PCDH7: variants seen among roughly 807,000 people sequenced by gnomAD.
PCDH7 encodes the protein protocadherin 7.
PCDH7 carries 17 observed loss-of-function variants against 58.9 expected under a neutral mutation model. The ratio of observed to expected loss-of-function variants is 0.29; its 90% CI spans 0.20 to 0.43. The LOEUF (loss-of-function observed/expected upper bound fraction) is 0.43. Among genes scored for constraint, PCDH7 ranks in the 20% least tolerant of loss-of-function variants. The pLI, the probability that PCDH7 is intolerant of heterozygous loss-of-function variation, is 1.00. For missense variants in PCDH7, 1,274 were observed against 1,441.0 expected, an observed-to-expected ratio of 0.88 and a Z score of 1.88; for synonymous variants, 664 against 616.4, an observed-to-expected ratio of 1.08 and a Z score of -1.14.
intron 2 of PCDH7, among the ~76,000 whole-genome samples, chr4:30,928,881 C>A (rs1260534052): frequency 1.3e-5 from 2 of 152,060 alleles, no homozygotes; most frequent in African/African-American, 2.4e-5. Flanking sequence ...GTTACTGTTA[C>A]CTTTTTATGT....
intron 1 of PCDH7, among the ~76,000 whole-genome samples, chr4:30,745,295 A>T (rs1001037875): frequency 6.6e-6 from 1 of 151,224 alleles, no homozygotes; most frequent in African/African-American, 2.4e-5. Flanking sequence ...TAGCCCTGGG[A>T]TATCTGGAGA....
intron 1 of PCDH7, among the ~76,000 whole-genome samples, chr4:30,890,659 G>A (rs1028807931): frequency 2.0e-5 from 3 of 151,920 alleles, no homozygotes; most frequent in Non-Finnish European, 4.4e-5. Flanking sequence ...TAGTTTTCAG[G>A]GTTAGAGGGA....
At chr4:30,965,923 G>C (rs1419315465) in intron 3 of PCDH7, among the ~76,000 whole-genome samples, 1 of 152,046 alleles carries the variant, frequency 6.6e-6, no homozygotes, top group Non-Finnish European at 1.5e-5. Context: ...GGACAGGATG[G>C]CCATTTTCAT....
intron 1 of PCDH7, among the ~76,000 whole-genome samples, chr4:30,834,411 G>A (rs1034005075): frequency 1.8e-4 from 27 of 152,100 alleles, no homozygotes; most frequent in African/African-American, 6.5e-4. Flanking sequence ...AGGAAATTGA[G>A]GCATAGAAGG....
At position 30,875,859 on chromosome 4, in the gene PCDH7, C is replaced by T. The variant is rs183621754; in HGVS notation, c.71-44294C>T. Among the ~76,000 whole-genome samples, 111 of 152,144 alleles carry T rather than the reference C, an allele frequency of 7.3e-4. 2 individuals carry two copies. The highest frequency in any genetic ancestry group is 6.8e-3 in the Middle Eastern group (2 of 292). On this transcript the variant is annotated intron_variant, in intron 1 of 3. Transcript: ENST00000509759. Reference sequence around the variant, plus strand: ...TTATTAAGAAGTCCTGATGTTGGCTCGACATTAGGCTATTAATTTCAACAG... The same window carrying T: ...TTATTAAGAAGTCCTGATGTTGGCTTGACATTAGGCTATTAATTTCAACAG...
chr4:30,820,106 A>T (rs990685369), intron 1 of PCDH7, among the ~76,000 whole-genome samples: 2 of 152,142 alleles, frequency 1.3e-5, no homozygotes, highest in African/African-American at 4.8e-5. Flanking sequence ...AATGATAGGA[A>T]AATTCCTTTG....
chr4:31,012,832 G>A (rs1340127193), intron 3 of PCDH7, among the ~76,000 whole-genome samples: 1 of 149,882 alleles, frequency 6.7e-6, no homozygotes, highest in Non-Finnish European at 1.5e-5. Flanking sequence ...AGCGAGAGAT[G>A]GTCTCCACAA....
intron 1 of PCDH7, among the ~76,000 whole-genome samples, chr4:30,832,405 G>A (rs1577976229): frequency 1.3e-5 from 2 of 152,096 alleles, no homozygotes; most frequent in East Asian, 3.8e-4. Context: ...TATCTTGTAA[G>A]CATCGACAGA....
At chr4:30,904,772 T>C (rs1740700699) in intron 1 of PCDH7, among the ~76,000 whole-genome samples, 1 of 151,994 alleles carries the variant, frequency 6.6e-6, no homozygotes, top group Non-Finnish European at 1.5e-5. Flanking sequence ...AACAAATGAG[T>C]GATGGGAGTG....
chr4:30,765,802 A>G (rs969780928), intron 1 of PCDH7, among the ~76,000 whole-genome samples: 8 of 152,182 alleles, frequency 5.3e-5, no homozygotes, highest in Non-Finnish European at 1.0e-4. Context: ...AGAAGGCACC[A>G]AAGGATTTGA....
At chr4:30,875,402 A>C (rs1276651887) in intron 1 of PCDH7, among the ~76,000 whole-genome samples, 4 of 152,182 alleles carry the variant, frequency 2.6e-5, no homozygotes, top group Non-Finnish European at 5.9e-5. Flanking sequence ...GTAGGGGTTA[A>C]GACTTTCACG....
rs147432861 is a variant in PCDH7 at position 31,139,987 on chromosome 4, G to A, written c.*8-2486G>A. On this transcript the variant is annotated intron_variant, in intron 3 of 3. Transcript: ENST00000509759. ...TGGCACAGAAGACAAGCTGCCTTTC[G>A]TTAAAAGCAATAGAGGAAATCAATT... Among the ~76,000 whole-genome samples, 26 of 152,260 alleles carry A rather than the reference G, an allele frequency of 1.7e-4. 1 individual carries two copies. In the East Asian group the frequency reaches 3.9e-3, roughly 23 times the overall value.
chr4:30,918,974 A>G (rs79348355), intron 1 of PCDH7, among the ~76,000 whole-genome samples: 67 of 152,244 alleles, frequency 4.4e-4, no homozygotes, highest in African/African-American at 1.6e-3. Flanking sequence ...CTAAAATTCT[A>G]CTGGTCCAGG....
At chr4:30,824,035 T>C (rs528427010) in intron 1 of PCDH7, among the ~76,000 whole-genome samples, 223 of 152,290 alleles carry the variant, frequency 1.5e-3, no homozygotes, top group African/African-American at 5.3e-3. Context: ...AGAGCCACTC[T>C]TGATGGTTGG....
At chr4:30,836,415 G>T (rs1730490373) in intron 1 of PCDH7, among the ~76,000 whole-genome samples, 1 of 152,166 alleles carries the variant, frequency 6.6e-6, no homozygotes. Flanking sequence ...CAATCTGAAT[G>T]TTGTCTTTGG....
At position 31,079,413 on chromosome 4, in the gene PCDH7, C is replaced by G. The variant is rs577588410; in HGVS notation, c.*8-63060C>G. 7.4e-5 allele frequency among the ~76,000 whole-genome samples: 10 copies of G among 134,900 alleles called. No individual in the cohort carries two copies. The South Asian group carries it at 2.4e-3, about 32-fold the overall frequency. 88.5% of individuals were successfully genotyped at this position (134,900 alleles called of 152,430 possible). ...AATAGCAGTGGATGTGAAAAGTTAT[C>G]CAAGTGGCTGGTAAACACATGAAAA... On this transcript the variant is annotated intron_variant, in intron 3 of 3. Coordinates refer to the PCDH7 transcript ENST00000509759.
chr4:31,038,420 T>C (rs1755587336), intron 3 of PCDH7, among the ~76,000 whole-genome samples: 1 of 152,128 alleles, frequency 6.6e-6, no homozygotes, highest in Non-Finnish European at 1.5e-5. Context: ...ATTTCTTCCT[T>C]AGAAGGGTAA....
intron 3 of PCDH7, among the ~76,000 whole-genome samples, chr4:31,014,547 C>T (rs542358567): frequency 6.6e-6 from 1 of 152,230 alleles, no homozygotes; most frequent in South Asian, 2.1e-4. Flanking sequence ...CACAACTACA[C>T]GTAAGCCAGT....
At chr4:31,045,909 T>G (rs1221161939) in intron 3 of PCDH7, among the ~76,000 whole-genome samples, 2 of 152,052 alleles carry the variant, frequency 1.3e-5, no homozygotes, top group Non-Finnish European at 2.9e-5. Context: ...CAAATTTCAG[T>G]AGCATCCTCC....
Sources: allele counts gnomAD v4.1 joint callset (sites outside exome capture counted in the v4.1 genomes callset), GRCh38; gene constraint gnomAD v4.1.1; transcripts MANE v1.5; gene names NCBI Gene and HGNC (gene_info 2026-07-23, HGNC 2026-07-21).